The following LMBR1 variants were observed in gnomAD, a reference collection of about 807,000 sequenced individuals.
LMBR1 encodes limb region 1 protein homolog.
LMBR1 carries 52 observed loss-of-function variants against 73.9 expected under a neutral mutation model. That is an observed-to-expected ratio of 0.70 (90% CI 0.56 to 0.89). The LOEUF (loss-of-function observed/expected upper bound fraction) is 0.89. LMBR1 is among the 40% of genes least tolerant of loss of function. LMBR1 has a pLI of 0.00. For synonymous variants in LMBR1, 215 were observed against 209.4 expected, an observed-to-expected ratio of 1.03 and a Z score of -0.23; for missense variants, 539 against 579.8, an observed-to-expected ratio of 0.93 and a Z score of 0.72.
At chr7:156,866,620 T>A (rs887922017) in intron 1 of LMBR1, among the ~76,000 whole-genome samples, 6 of 150,872 alleles carry the variant, frequency 4.0e-5, no homozygotes, top group African/African-American at 9.7e-5. Context: ...TTTTTTTTTT[T>A]AATGAGACAT....
chr7:156,854,524 G>A (rs2134116267), intron 1 of LMBR1, among the ~76,000 whole-genome samples: 1 of 152,366 alleles, frequency 6.6e-6, no homozygotes, highest in South Asian at 2.1e-4. Flanking sequence ...CCCAGGGCAT[G>A]CTGTTCACCT....
At chr7:156,775,116 C>T (rs1441732559) in intron 5 of LMBR1, among the ~76,000 whole-genome samples, 2 of 152,088 alleles carry the variant, frequency 1.3e-5, no homozygotes, top group Admixed American at 1.3e-4. Flanking sequence ...GCCTGTAATC[C>T]CAGCACTCTG....
At chr7:156,671,640 G>A (rs1318860464) in intron 4 of LMBR1, among the ~76,000 whole-genome samples, 1 of 150,864 alleles carries the variant, frequency 6.6e-6, no homozygotes, top group Non-Finnish European at 1.5e-5. Flanking sequence ...TGGGTGTACT[G>A]CAGGACGCCG....
At chr7:156,835,376 T>C (rs184054932) in intron 2 of LMBR1, among the ~76,000 whole-genome samples, 18 of 152,218 alleles carry the variant, frequency 1.2e-4, no homozygotes, top group Admixed American at 7.2e-4. Context: ...AATTTTTATA[T>C]ACTGTTGTGC....
chr7:156,855,059 T>C (rs1796753283), intron 1 of LMBR1, among the ~76,000 whole-genome samples: 2 of 152,048 alleles, frequency 1.3e-5, no homozygotes, highest in Non-Finnish European at 2.9e-5. Flanking sequence ...AATGCAAAAA[T>C]CACAATCTAA....
At chr7:156,813,247 A>G (rs1833396690) in intron 4 of LMBR1, among the ~76,000 whole-genome samples, 1 of 152,172 alleles carries the variant, frequency 6.6e-6, no homozygotes, top group Admixed American at 6.6e-5. Context: ...TCCACGTCTG[A>G]GCCTTAGTCC....
chr7:156,727,984 A>G lies in LMBR1; in HGVS notation c.939T>C (p.Ala313=). 6.2e-7 allele frequency: 1 copy of G among 1,613,400 alleles called. No individual in the cohort carries two copies. Among genetic ancestry groups the G allele is most frequent in the Non-Finnish European group, 8.5e-7 (1 of 1,179,670 alleles). The change falls in exon 12 of 17, where the codon GCT becomes GCC. Residue 313 remains alanine, a synonymous_variant. Coordinates refer to ENST00000353442, the MANE Select transcript of LMBR1 (RefSeq NM_022458.4). Reference sequence around the variant, plus strand: ...CAACCAATAGGCAAAGAATATTACAAGCCACCAAGAGGACCGAGATGGACT... The same window carrying G: ...CAACCAATAGGCAAAGAATATTACAGGCCACCAAGAGGACCGAGATGGACT... The part of the protein sequence containing the change: ...IETSISVLLV[A]CNILCLLVDE...
chr7:156,746,210 A>T (rs149101463), intron 9 of LMBR1, among the ~76,000 whole-genome samples: 106 of 152,326 alleles, frequency 7.0e-4, no homozygotes, highest in African/African-American at 2.4e-3. Context: ...ATCTGTAATT[A>T]ATGCTCATTT....
At chr7:156,860,406 A>G (rs1797567880) in intron 1 of LMBR1, among the ~76,000 whole-genome samples, 3 of 152,152 alleles carry the variant, frequency 2.0e-5, no homozygotes, top group East Asian at 1.9e-4. Flanking sequence ...TCGTGATTCA[A>G]TTACCTCCCA....
intron 9 of LMBR1, among the ~76,000 whole-genome samples, chr7:156,752,966 T>C (rs1185077737): frequency 7.3e-6 from 1 of 136,306 alleles, no homozygotes; most frequent in African/African-American, 2.8e-5. Context: ...GATGGGGAAA[T>C]GATGGGGGGT....
chr7:156,800,252 GCTT>G (rs763560228), intron 4 of LMBR1, among the ~76,000 whole-genome samples: 14 of 152,158 alleles, frequency 9.2e-5, no homozygotes, highest in Admixed American at 2.0e-4. Context: ...TGGCTTCAAA[GCTT>G]CAATCAACAG....
intron 1 of LMBR1, among the ~76,000 whole-genome samples, chr7:156,857,295 G>T (rs937310368): frequency 6.6e-6 from 1 of 152,128 alleles, no homozygotes; most frequent in African/African-American, 2.4e-5. Context: ...GACAGAGAAA[G>T]ACAAACCATG....
In LMBR1 at chr7:156,840,964, CA is replaced by C. The variant is rs57968006; in HGVS notation, c.67-4080del. Among the ~76,000 whole-genome samples the C allele has an allele frequency of 2.3e-3, 161 of 71,424 alleles. 1 individual carries two copies. The highest frequency in any genetic ancestry group is 7.1e-3 in the Middle Eastern group (1 of 140). 46.9% of individuals were successfully genotyped at this position (71,424 alleles called of 152,430 possible). A position where few individuals can be genotyped will look rare whatever the true frequency, so the allele number is the denominator to read the frequency against. On this transcript the variant is annotated intron_variant, in intron 1 of 16. Coordinates refer to ENST00000353442, the MANE Select transcript of LMBR1 (RefSeq NM_022458.4). ...TGGGCGACTGAGCAAGACTCGGTCT[CA>C]AAAAAAAAAAAAAAAAAAAGAAAAA...
At chr7:156,792,980 C>T (rs910336131) in intron 5 of LMBR1, among the ~76,000 whole-genome samples, 3 of 151,924 alleles carry the variant, frequency 2.0e-5, no homozygotes, top group African/African-American at 4.8e-5. Flanking sequence ...CAAATTAGTG[C>T]GCTGAATCTA....
At position 156,856,147 on chromosome 7, in the gene LMBR1, A is replaced by T. The variant is rs541091085; in HGVS notation, c.67-19262T>A. Among the ~76,000 whole-genome samples, 633 of 152,230 alleles carry T rather than the reference A, an allele frequency of 4.2e-3. 5 individuals are homozygous for T. Among genetic ancestry groups the T allele is most frequent in the African/African-American group, 0.014 (562 of 41,518 alleles). On this transcript the variant is annotated intron_variant, in intron 1 of 16. Transcript: ENST00000353442. ...GAGGCGGAGCTTGCAGTGAGCCGAG[A>T]TCGCACCACTGCACTCCAGCCAGGG...
chr7:156,703,135 T>C (rs1476299225), intron 15 of LMBR1, among the ~76,000 whole-genome samples: 1 of 152,192 alleles, frequency 6.6e-6, no homozygotes, highest in African/African-American at 2.4e-5. Flanking sequence ...GAGAAGAAAC[T>C]GCTCCAGGGT....
At position 156,849,192 on chromosome 7, in the gene LMBR1, T is replaced by A. The variant is rs147093948; in HGVS notation, c.67-12307A>T. Among the ~76,000 whole-genome samples, 188 of 152,232 alleles carry A rather than the reference T, an allele frequency of 1.2e-3. 3 individuals carry two copies. The highest frequency in any genetic ancestry group is 4.1e-3 in the African/African-American group (170 of 41,514). On this transcript the variant is annotated intron_variant, in intron 1 of 16. Coordinates refer to ENST00000353442, the MANE Select transcript of LMBR1 (RefSeq NM_022458.4). ...TATGCAGCCATAAAAGTGAATGAGATCATGTCCTTTGCAGCGACATGGATG... is the reference window on the plus strand; with the variant it reads ...TATGCAGCCATAAAAGTGAATGAGAACATGTCCTTTGCAGCGACATGGATG...
chr7:156,847,012 C>A (rs866043134), intron 1 of LMBR1, among the ~76,000 whole-genome samples: 1 of 152,090 alleles, frequency 6.6e-6, no homozygotes, highest in African/African-American at 2.4e-5. Context: ...AGGACTGACA[C>A]TACCCAGTTT....
chr7:156,724,356 G>T (rs541372725), intron 14 of LMBR1, among the ~76,000 whole-genome samples, 178 bp from the exon 15 acceptor site: 1 of 152,172 alleles, frequency 6.6e-6, no homozygotes, highest in African/African-American at 2.4e-5. Context: ...AATAAATAAA[G>T]TTATATCTGT....
Sources: gnomAD v4.1 joint callset for allele counts (sites outside exome capture counted in the v4.1 genomes callset) on GRCh38, gnomAD v4.1.1 for gene constraint, MANE v1.5 for transcripts, NCBI Gene and HGNC (gene_info 2026-07-23, HGNC 2026-07-21) for gene names.